TIMM50: variants seen among roughly 807,000 people sequenced by gnomAD.
TIMM50 encodes mitochondrial import inner membrane translocase subunit TIM50.
TIMM50 carries 34 observed loss-of-function variants against 49.6 expected under a neutral mutation model. That is an observed-to-expected ratio of 0.69 (90% CI 0.52 to 0.91). The LOEUF is 0.91. Ranked by LOEUF, TIMM50 falls within the 40% of genes least tolerant of loss-of-function variation. The pLI is 0.00. For missense variants in TIMM50, 458 were observed against 477.8 expected, an observed-to-expected ratio of 0.96 and a Z score of 0.39; for synonymous variants, 199 against 198.4, an observed-to-expected ratio of 1.00 and a Z score of -0.03.
rs940961073 is a variant in TIMM50, at chr19:39,491,882, C to G, written c.*2062C>G. 1.1e-4 allele frequency: 16 copies of G among 148,404 alleles called. No individual in the cohort carries two copies. Among genetic ancestry groups the G allele is most frequent in the African/African-American group, 4.0e-4 (16 of 40,354 alleles). The allele number at this position is 148,404 out of a possible 1,614,324, so 9.2% of individuals were successfully genotyped here. A position where few individuals can be genotyped will look rare whatever the true frequency, so the allele number is the denominator to read the frequency against. The stretch of plus-strand genomic sequence containing the variant: ...AGATTTTTTTTTGGAGTCAGGGTCT[C>G]GCTGTGTCGCCCAGGCTGGAGCACA... On this transcript the variant is annotated 3_prime_UTR_variant, in exon 11 of 11. Coordinates refer to ENST00000607714, the MANE Select transcript of TIMM50 (RefSeq NM_001001563.5).
chr19:39,486,890 A>G (rs2146158270), intron 8 of TIMM50, among the ~76,000 whole-genome samples: 1 of 152,206 alleles, frequency 6.6e-6, no homozygotes, highest in East Asian at 1.9e-4. Context: ...TGTATTCAGG[A>G]GTCCGGATCT....
In TIMM50 at chr19:39,480,898, C is replaced by CCGGCT; in HGVS notation, c.53_57dup (p.Arg20AlafsTer63). The CCGGCT allele has an allele frequency of 2.5e-6, 4 of 1,597,514 alleles. No homozygotes were observed. The highest frequency in any genetic ancestry group is 3.4e-6 in the Non-Finnish European group (4 of 1,176,692). Reference sequence around the variant, plus strand: ...TGTTCTCGCGCTTGCGAAGCGGGCTCCGGCTCGGCTCGCGGGGACTGTGCA... The same window carrying CCGGCT: ...TGTTCTCGCGCTTGCGAAGCGGGCTCCGGCTCGGCTCGGCTCGCGGGGACTGTGCA... On this transcript the variant is annotated frameshift_variant, in exon 1 of 11. Coordinates refer to ENST00000607714, the MANE Select transcript of TIMM50 (RefSeq NM_001001563.5). LOFTEE classifies it high-confidence loss of function.
rs1445602648 is a variant in TIMM50, at chr19:39,485,793, C to T, written c.478C>T (p.His160Tyr). The T allele has an allele frequency of 6.2e-7, 1 of 1,614,054 alleles. No individual in the cohort carries two copies. The highest frequency in any genetic ancestry group is 1.3e-5 in the African/African-American group (1 of 74,924). The change falls in exon 6 of 11, where the codon CAT becomes TAT. Residue 160 changes from histidine (H) to tyrosine (Y), a missense_variant. By Grantham distance (83) the His-to-Tyr change is moderately conservative. Coordinates refer to ENST00000607714, the MANE Select transcript of TIMM50 (RefSeq NM_001001563.5). ...TTTGGAGCTCACCGGCGTCCTCTTG[C>T]ATCCTGAGTGGTCGGTGTGTCCCGG... ...LVLELTGVLL[H>Y]PEWSLATGWR...
chr19:39,485,278 A>C (rs879257321), intron 4 of TIMM50: 1 of 520,450 alleles, frequency 1.9e-6, no homozygotes, highest in East Asian at 3.5e-5. Context: ...GTGGGTTTTA[A>C]GTGGGCCAAT....
At chr19:39,481,833 C>T in intron 1 of TIMM50, 50 bp from the exon 2 acceptor site, 6 of 1,583,454 alleles carry the variant, frequency 3.8e-6, no homozygotes, top group Non-Finnish European at 4.3e-6. Context: ...GGGTGGGGAC[C>T]ATCCTGACCT....
intron 7 of TIMM50, 45 bp downstream of exon 7, chr19:39,486,336 C>A (rs185709315): frequency 9.9e-6 from 16 of 1,611,570 alleles, no homozygotes; most frequent in Non-Finnish European, 1.4e-5. Flanking sequence ...TGGTGGGAGG[C>A]GTAGAGATCT....
intron 8 of TIMM50, among the ~76,000 whole-genome samples, chr19:39,487,783 G>T (rs986506591): frequency 2.6e-5 from 4 of 152,100 alleles, no homozygotes; most frequent in African/African-American, 9.6e-5. Context: ...GTAGATACGG[G>T]GTTTCACCAT....
In TIMM50 at chr19:39,482,000, G is replaced by T. The variant is rs1322320761; in HGVS notation, c.226G>T (p.Ala76Ser). ...GCTCTGGCTTGCTGGGCTGCTTGGA[G>T]CTGGTGGGACTGTGAGCGTCGTCTA... is the stretch of plus-strand genomic sequence containing the variant. ...VALWLAGLLG[A>S]GGTVSVVYIF... is the part of the protein sequence containing the mutation. Residue 76 changes from alanine to serine, a missense_variant, in exon 2 of 11, where the codon GCT (alanine) becomes TCT (serine). Coordinates refer to ENST00000607714, the MANE Select transcript of TIMM50 (RefSeq NM_001001563.5). The T allele has an allele frequency of 6.2e-7, 1 of 1,614,170 alleles. No individual in the cohort carries two copies. The highest frequency in any genetic ancestry group is 8.5e-7 in the Non-Finnish European group (1 of 1,180,042).
In TIMM50 at chr19:39,493,535, T is replaced by TCCA. The variant is rs1247811099; in HGVS notation, c.*3719_*3721dup. The TCCA allele has an allele frequency of 6.6e-6, 1 of 152,124 alleles. No individual in the cohort carries two copies. Among genetic ancestry groups the TCCA allele is most frequent in the Non-Finnish European group, 1.5e-5 (1 of 68,050 alleles). 9.4% of individuals were successfully genotyped at this position (152,124 alleles called of 1,614,324 possible). ...CCTGCCCCGCCTTAACTGATGACAT[T>TCCA]CCACCATTGTGATTTGTTCCTGCCC... On this transcript the variant is annotated 3_prime_UTR_variant, in exon 11 of 11. Transcript: ENST00000607714.
At position 39,485,102 on chromosome 19, in the gene TIMM50, A is replaced by G. The variant is rs372117912; in HGVS notation, c.314-442A>G. ...CTCCCAGGTAGCTGGGACTACAGGC[A>G]CATGCCACCACGCCCGGCTAATTTT... On this transcript the variant is annotated intron_variant, in intron 4 of 10. Coordinates refer to ENST00000607714, the MANE Select transcript of TIMM50 (RefSeq NM_001001563.5). 29 of 178,292 alleles carry G rather than the reference A, an allele frequency of 1.6e-4. No individual in the cohort carries two copies. The East Asian group carries it at 3.7e-3, about 23-fold the overall frequency. The allele number at this position is 178,292 out of a possible 1,614,324, so 11.0% of individuals were successfully genotyped here.
At chr19:39,482,744 G>C in intron 2 of TIMM50, 141 bp from the exon 3 acceptor site, 1 of 1,044,586 alleles carries the variant, frequency 9.6e-7, no homozygotes, top group East Asian at 2.5e-5. Context: ...TTGGCTCCCA[G>C]CCCCCTCCTG....
chr19:39,492,324 G>GT lies in TIMM50; in HGVS notation c.*2504_*2505insT, dbSNP rs1491530792. 1 of 149,652 alleles carries GT rather than the reference G, an allele frequency of 6.7e-6. No homozygotes were observed. Among genetic ancestry groups the GT allele is most frequent in the Non-Finnish European group, 1.5e-5 (1 of 67,518 alleles). 9.3% of individuals were successfully genotyped at this position (149,652 alleles called of 1,614,324 possible). ...GGAAGAGCCTGTCTCTTGCGGGGGG[G>GT]GGAGAAGAAAGTTCTTGTCTCAGGC... On this transcript the variant is annotated 3_prime_UTR_variant, in exon 11 of 11. Transcript: ENST00000607714.
At position 39,485,568 on chromosome 19, in the gene TIMM50, GC is replaced by G; in HGVS notation, c.340del (p.Arg114GlyfsTer12). ...DNDPILVQQL[R>X]RTYKYFKDYR... Reference sequence around the variant, plus strand: ...GATCCAATTCTGGTACAGCAGTTGCGCCGGACATACAAATATTTCAAAGATT... The same window carrying G: ...GATCCAATTCTGGTACAGCAGTTGCGCGGACATACAAATATTTCAAAGATT... On this transcript the variant is annotated frameshift_variant, in exon 5 of 11. Coordinates refer to ENST00000607714, the MANE Select transcript of TIMM50 (RefSeq NM_001001563.5). LOFTEE classifies it high-confidence loss of function. 6.2e-7 allele frequency: 1 copy of G among 1,614,090 alleles called. No homozygotes were observed. Among genetic ancestry groups the G allele is most frequent in the Non-Finnish European group, 8.5e-7 (1 of 1,180,028 alleles).
intron 1 of TIMM50, 96 bp downstream of exon 1, chr19:39,481,057 C>T: frequency 5.0e-6 from 7 of 1,397,212 alleles, no homozygotes; most frequent in Non-Finnish European, 6.6e-6. Context: ...CGCCTCACCT[C>T]AGGGTGCTGA....
At position 39,480,861 on chromosome 19, in the gene TIMM50, C is replaced by T. The variant is rs1414201629; in HGVS notation, c.8C>T (p.Ala3Val). The change falls in exon 1 of 11, where the codon GCC becomes GTC. Residue 3 changes from alanine (A) to valine (V), a missense_variant. Physicochemically the swap from Ala to Val is moderately conservative, Grantham distance 64. Coordinates refer to ENST00000607714, the MANE Select transcript of TIMM50 (RefSeq NM_001001563.5). MA[A>V]SAAVFSRLRS... ...GCGTGGCGTCAGCGCAAGATGGCGG[C>T]CTCGGCAGCGGTGTTCTCGCGCTTG... 4 of 1,597,402 alleles carry T rather than the reference C, an allele frequency of 2.5e-6. No individual in the cohort carries two copies. The highest frequency in any genetic ancestry group is 2.7e-5 in the African/African-American group (2 of 74,688).
chr19:39,492,877 A>AAAAAAAAAAC lies in TIMM50; in HGVS notation c.*3066_*3067insCAAAAAAAAA, dbSNP rs2079555363. 5.5e-5 allele frequency: 8 copies of AAAAAAAAAAC among 145,770 alleles called. No individual in the cohort carries two copies. Among genetic ancestry groups the AAAAAAAAAAC allele is most frequent in the Non-Finnish European group, 1.0e-4 (7 of 67,092 alleles). The allele number at this position is 145,770 out of a possible 1,614,324, so 9.0% of individuals were successfully genotyped here. A position where few individuals can be genotyped will look rare whatever the true frequency, so the allele number is the denominator to read the frequency against. On this transcript the variant is annotated 3_prime_UTR_variant, in exon 11 of 11. Coordinates refer to ENST00000607714, the MANE Select transcript of TIMM50 (RefSeq NM_001001563.5). Reference sequence around the variant, plus strand: ...CAGAGTAAGGCTCTGTCTCCAAAAAAAAAAAAAAAAAAAAACAAAAAAAAA... The same window carrying AAAAAAAAAAC: ...CAGAGTAAGGCTCTGTCTCCAAAAAAAAAAAAAAACAAAAAAAAAAAAAAACAAAAAAAAA...
chr19:39,486,359 C>A (rs2079506366), intron 7 of TIMM50, 38 bp from the exon 8 acceptor site: 2 of 1,613,000 alleles, frequency 1.2e-6, no homozygotes, highest in African/African-American at 2.7e-5. Context: ...AGGACCAGGG[C>A]TCAGCCTGAC....
rs1041420991 is a variant in TIMM50 at position 39,491,584 on chromosome 19, C to G, written c.*1764C>G. On this transcript the variant is annotated 3_prime_UTR_variant, in exon 11 of 11. Transcript: ENST00000607714. Reference sequence around the variant, plus strand: ...CCTGTAATCCTGACACTTTGGGAGGCCGAAGCAGGAGGATTGCTTGAATCC... The same window carrying G: ...CCTGTAATCCTGACACTTTGGGAGGGCGAAGCAGGAGGATTGCTTGAATCC... 6.6e-6 allele frequency: 1 copy of G among 151,528 alleles called. No individual in the cohort carries two copies. Among genetic ancestry groups the G allele is most frequent in the Non-Finnish European group, 1.5e-5 (1 of 67,914 alleles). 9.4% of individuals were successfully genotyped at this position (151,528 alleles called of 1,614,324 possible). A position where few individuals can be genotyped will look rare whatever the true frequency, so the allele number is the denominator to read the frequency against.
At position 39,486,500 on chromosome 19, in the gene TIMM50, C is replaced by T. The variant is rs567209992; in HGVS notation, c.696+5C>T. On this transcript the variant is annotated splice_donor_5th_base_variant and intron_variant, in intron 8 of 10. Transcript: ENST00000607714. ...ATGGATGGACACCATGTAAAGGTGC[C>T]GTGGGTTCATGGGTGGGCCTCTGGG... The T allele has an allele frequency of 2.5e-5, 41 of 1,613,848 alleles. No individual in the cohort carries two copies. The East Asian group carries it at 6.0e-4, about 24-fold the overall frequency.
Sources: allele counts gnomAD v4.1 joint callset (sites outside exome capture counted in the v4.1 genomes callset), GRCh38; gene constraint gnomAD v4.1.1; transcripts MANE v1.5; gene names NCBI Gene and HGNC (gene_info 2026-07-23, HGNC 2026-07-21).